The following MBTD1 variants were observed in gnomAD, a reference collection of about 807,000 sequenced individuals.
MBTD1 encodes the protein MBT domain-containing protein 1.
In MBTD1, 24 loss-of-function variants were observed where a neutral mutation model predicts 87.8. The observed-to-expected ratio is 0.27, with a 90% confidence interval of 0.20 to 0.38. MBTD1 has a LOEUF of 0.38. Ranked by LOEUF, MBTD1 falls within the 10% of genes least tolerant of loss-of-function variation. MBTD1 has a pLI of 1.00. For missense variants in MBTD1, 436 were observed against 760.2 expected (o/e 0.57, Z 5.02); for synonymous variants, 237 against 248.6 (o/e 0.95, Z 0.44).
At chr17:51,204,171 T>C (rs1287842415) in intron 7 of MBTD1, among the ~76,000 whole-genome samples, 1 of 152,140 alleles carries the variant, frequency 6.6e-6, no homozygotes, top group Non-Finnish European at 1.5e-5. Flanking sequence ...TGAACCAAAC[T>C]TTGAGAACCA....
chr17:51,260,771 G>A, upstream of MBTD1: 1 of 1,580,000 alleles, frequency 6.3e-7, no homozygotes, highest in Non-Finnish European at 8.6e-7. Context: ...TGCGATTGCA[G>A]TCGCGGCGGC....
intron 4 of MBTD1, among the ~76,000 whole-genome samples, chr17:51,219,800 T>C (rs572984941): frequency 6.6e-6 from 1 of 152,358 alleles, no homozygotes; most frequent in African/African-American, 2.4e-5. Context: ...TCCAGTCATT[T>C]TGTAGGCACT....
chr17:51,179,723 T>C lies in MBTD1; in HGVS notation c.*853A>G, dbSNP rs983471309. On this transcript the variant is annotated 3_prime_UTR_variant, in exon 17 of 17. Coordinates refer to ENST00000586178, the MANE Select transcript of MBTD1 (RefSeq NM_017643.3). Reference sequence around the variant, plus strand: ...TTATACGAAGCTGTTATTTCACAGATAGAGGGAAATGGCAGAGAACTGATC... The same window carrying C: ...TTATACGAAGCTGTTATTTCACAGACAGAGGGAAATGGCAGAGAACTGATC... The C allele has an allele frequency of 4.6e-5, 7 of 151,314 alleles. No homozygotes were observed. The highest frequency in any genetic ancestry group is 3.2e-3 in the Middle Eastern group (1 of 316). The allele number at this position is 151,314 out of a possible 1,614,324, so 9.4% of individuals were successfully genotyped here.
rs533027652 is a variant in MBTD1 at position 51,213,384 on chromosome 17, T to C, written c.486+3950A>G. On this transcript the variant is annotated intron_variant, in intron 6 of 16. Transcript: ENST00000586178. ...ATATACAGACATCAACTGAAGGCTC[T>C]GCTGGGTTAAAGTTAAATTACTAAT... Among the ~76,000 whole-genome samples, 13 of 152,320 alleles carry C rather than the reference T, an allele frequency of 8.5e-5. No homozygotes were observed. The South Asian group carries it at 1.4e-3, about 17-fold the overall frequency.
intron 1 of MBTD1, 65 bp downstream of exon 1, chr17:51,259,770 G>A (rs2055357148): frequency 2.4e-6 from 3 of 1,228,608 alleles, no homozygotes; most frequent in Middle Eastern, 3.1e-4. Flanking sequence ...GGGTTCCTGG[G>A]GTCGGAGAGC....
intron 2 of MBTD1, among the ~76,000 whole-genome samples, chr17:51,234,830 A>T (rs1284766453): frequency 2.0e-5 from 3 of 152,176 alleles, no homozygotes; most frequent in Non-Finnish European, 2.9e-5. Context: ...AGTAGCTGGG[A>T]TTACAGGCAT....
intron 2 of MBTD1, among the ~76,000 whole-genome samples, chr17:51,231,968 G>T (rs149305289): frequency 2.0e-5 from 3 of 151,840 alleles, no homozygotes; most frequent in African/African-American, 7.2e-5. Flanking sequence ...TTTACTATGA[G>T]GGCGCTTAAC....
At chr17:51,241,070 T>C (rs1248903536) in intron 2 of MBTD1, among the ~76,000 whole-genome samples, 1 of 151,566 alleles carries the variant, frequency 6.6e-6, no homozygotes, top group African/African-American at 2.4e-5. Context: ...CCTCCACCTC[T>C]AGGGTTCAAG....
chr17:51,179,859 C>T lies in MBTD1; in HGVS notation c.*717G>A, dbSNP rs2050243158. The stretch of plus-strand genomic sequence containing the variant: ...ACTGAGATCCTGAATATCTTGTCAA[C>T]CATTCCAGTTTAACACTTTAGTGTT... On this transcript the variant is annotated 3_prime_UTR_variant, in exon 17 of 17. Transcript: ENST00000586178. 1 of 151,836 alleles carries T rather than the reference C, an allele frequency of 6.6e-6. No individual in the cohort carries two copies. The allele number at this position is 151,836 out of a possible 1,614,324, so 9.4% of individuals were successfully genotyped here.
intron 13 of MBTD1, among the ~76,000 whole-genome samples, chr17:51,194,591 A>AAAG (rs1482531960): frequency 6.7e-6 from 1 of 148,950 alleles, no homozygotes; most frequent in Non-Finnish European, 1.5e-5. Context: ...AAAAAAAAAA[A>AAAG]AGTCCACATG....
At chr17:51,212,340 AGAGT>A (rs1471907386) in intron 6 of MBTD1, among the ~76,000 whole-genome samples, 21 of 147,104 alleles carry the variant, frequency 1.4e-4, no homozygotes, top group Non-Finnish European at 3.1e-4. Flanking sequence ...CCTGACTGAA[AGAGT>A]GAGACTCCGC....
chr17:51,215,956 G>T (rs971873392), intron 6 of MBTD1, among the ~76,000 whole-genome samples: 10 of 111,106 alleles, frequency 9.0e-5, no homozygotes, highest in African/African-American at 2.9e-4. Context: ...TTTTGAGACT[G>T]AGTGTCGCTC....
At chr17:51,198,806 T>TTTG (rs534714537) in intron 12 of MBTD1, among the ~76,000 whole-genome samples, 10 of 152,174 alleles carry the variant, frequency 6.6e-5, no homozygotes, top group Middle Eastern at 3.4e-3. Context: ...CCACGTGATT[T>TTTG]TTGTTGTTGT....
intron 2 of MBTD1, among the ~76,000 whole-genome samples, chr17:51,254,107 A>G (rs566327791): frequency 4.6e-5 from 7 of 152,310 alleles, no homozygotes; most frequent in South Asian, 2.1e-4. Flanking sequence ...TATGGAGCAA[A>G]TATTTTCTAG....
rs1449756705 is a variant in MBTD1 at position 51,225,117 on chromosome 17, G to A, written c.45C>T (p.Ser15=). The change falls in exon 3 of 17, where the codon AGC becomes AGT. Residue 15 remains serine (S), a synonymous_variant. Transcript: ENST00000586178. The stretch of plus-strand genomic sequence containing the variant: ...CTTCCTCACTCTCTTCGGAGCTGGA[G>A]CTGCTGCTTGTGTCCTCACTGCAGC... ...YDSCSEDTSS[S]SSSEESEEEV... The A allele has an allele frequency of 6.4e-7, 1 of 1,551,252 alleles. No individual in the cohort carries two copies. Among genetic ancestry groups the A allele is most frequent in the Non-Finnish European group, 8.7e-7 (1 of 1,146,762 alleles).
chr17:51,208,217 T>C (rs931301201), intron 6 of MBTD1, among the ~76,000 whole-genome samples: 2 of 152,174 alleles, frequency 1.3e-5, no homozygotes, highest in Non-Finnish European at 2.9e-5. Context: ...AATACTGAAG[T>C]TGGATAAGTC....
At chr17:51,233,232 G>A (rs1357774014) in intron 2 of MBTD1, among the ~76,000 whole-genome samples, 2 of 148,976 alleles carry the variant, frequency 1.3e-5, no homozygotes, top group Non-Finnish European at 1.5e-5. Flanking sequence ...TCACCACAGT[G>A]AAGCTCAGCA....
intron 2 of MBTD1, among the ~76,000 whole-genome samples, chr17:51,246,159 G>A (rs530125156): frequency 2.0e-5 from 3 of 152,268 alleles, no homozygotes; most frequent in Admixed American, 6.5e-5. Flanking sequence ...ATGTGCATAC[G>A]CATAATTAGA....
At chr17:51,215,794 T>C (rs1042923469) in intron 6 of MBTD1, among the ~76,000 whole-genome samples, 7 of 152,190 alleles carry the variant, frequency 4.6e-5, no homozygotes, top group African/African-American at 1.7e-4. Context: ...GAATGAGAAT[T>C]AGCAAATTAA....
Sources: allele counts gnomAD v4.1 joint callset (sites outside exome capture counted in the v4.1 genomes callset), GRCh38; gene constraint gnomAD v4.1.1; transcripts MANE v1.5; gene names NCBI Gene and HGNC (gene_info 2026-07-23, HGNC 2026-07-21).